The following ARL3 variants were observed in gnomAD, a reference collection of about 807,000 sequenced individuals.
ARL3 encodes ARF like GTPase 3.
ARL3 carries 9 observed loss-of-function variants against 26.0 expected under a neutral mutation model. The observed-to-expected ratio is 0.35, with a 90% CI of 0.21 to 0.60. The LOEUF (loss-of-function observed/expected upper bound fraction) is 0.60, where lower values mean the gene tolerates loss of function less well. Ranked by LOEUF, ARL3 falls within the 20% of genes least tolerant of loss-of-function variation. The pLI, the probability that ARL3 is intolerant of heterozygous loss-of-function variation, is 0.78. For missense variants in ARL3, 158 were observed against 215.7 expected, an observed-to-expected ratio of 0.73 and a Z score of 1.67; for synonymous variants, 71 against 78.4, an observed-to-expected ratio of 0.91 and a Z score of 0.50.
Position 102,714,264 on chromosome 10 carries a change from C to A in ARL3, c.3+9G>T, listed in dbSNP as rs770537187. 2.3e-6 allele frequency: 3 copies of A among 1,313,844 alleles called. No individual in the cohort carries two copies. The highest frequency in any genetic ancestry group is 2.1e-4 in the Middle Eastern group (1 of 4,828). 81.4% of individuals were successfully genotyped at this position (1,313,844 alleles called of 1,614,324 possible). A position where few individuals can be genotyped will look rare whatever the true frequency, so the allele number is the denominator to read the frequency against. ...CCGGCTCCAAGGGGGCCCAGGCCCC[C>A]ACACTCACCATCCTCCCGCCGAGTC... On this transcript the variant is annotated intron_variant, in intron 1 of 5. Transcript: ENST00000260746.
At chr10:102,692,470 C>T (rs1333881206) in intron 3 of ARL3, among the ~76,000 whole-genome samples, 4 of 152,132 alleles carry the variant, frequency 2.6e-5, no homozygotes, top group Non-Finnish European at 5.9e-5. Context: ...GGCTGGAGTG[C>T]AGTAGTGTGA....
chr10:102,689,774 G>A (rs1231301470), intron 4 of ARL3, 119 bp downstream of exon 4: 4 of 487,452 alleles, frequency 8.2e-6, no homozygotes, highest in Non-Finnish European at 1.1e-5. Context: ...GTTGGGGTGA[G>A]CCGAGATCAT....
intron 2 of ARL3, among the ~76,000 whole-genome samples, chr10:102,703,959 G>A (rs1272258543): frequency 6.6e-6 from 1 of 151,486 alleles, no homozygotes; most frequent in Non-Finnish European, 1.5e-5. Context: ...AGACCAGCCT[G>A]GGCAACAACG....
rs538781537 is a variant in ARL3, at chr10:102,688,343, T to C, written c.315+1550A>G. Reference sequence around the variant, plus strand: ...AGTGATAATCCAGAAATCATCAGGGTATGGAAGGGTGGTGGGTTGTTTCCA... The same window carrying C: ...AGTGATAATCCAGAAATCATCAGGGCATGGAAGGGTGGTGGGTTGTTTCCA... On this transcript the variant is annotated intron_variant, in intron 4 of 5. Transcript: ENST00000260746. Among the ~76,000 whole-genome samples, 7 of 152,016 alleles carry C rather than the reference T, an allele frequency of 4.6e-5. No homozygotes were observed. In the South Asian group the frequency reaches 1.2e-3, roughly 27 times the overall value.
chr10:102,698,748 G>A (rs4284339), intron 3 of ARL3, among the ~76,000 whole-genome samples: 152,055 of 152,326 alleles, frequency 1, 75,892 homozygotes, highest in East Asian at 1. Flanking sequence ...CGCTCCCTGA[G>A]TCAGGGTATT....
chr10:102,677,037 T>A, intron 5 of ARL3, 96 bp from the exon 6 acceptor site: 1 of 1,382,870 alleles, frequency 7.2e-7, no homozygotes, highest in South Asian at 1.2e-5. Context: ...TCCCAGGCCC[T>A]CCCTCCCAGA....
chr10:102,692,236 C>T (rs2064221877), intron 3 of ARL3, among the ~76,000 whole-genome samples: 2 of 152,176 alleles, frequency 1.3e-5, no homozygotes. Context: ...TCTGAGACCT[C>T]CTTATGGAGA....
At chr10:102,711,368 CTGTATATATATA>C (rs1185591352) in intron 1 of ARL3, among the ~76,000 whole-genome samples, 1 of 149,706 alleles carries the variant, frequency 6.7e-6, no homozygotes, top group African/African-American at 2.5e-5. Flanking sequence ...GTATATGTAT[CTGTATATATATA>C]TGTATATATA....
At chr10:102,698,894 C>T (rs1229847519) in intron 3 of ARL3, among the ~76,000 whole-genome samples, 1 of 152,186 alleles carries the variant, frequency 6.6e-6, no homozygotes, top group Non-Finnish European at 1.5e-5. Context: ...CTATTCAATC[C>T]CTCTGACTTA....
intron 2 of ARL3, among the ~76,000 whole-genome samples, chr10:102,699,823 T>C (rs898574652): frequency 1.3e-5 from 2 of 152,098 alleles, no homozygotes; most frequent in African/African-American, 4.8e-5. Flanking sequence ...ATCTTCAGGA[T>C]GGTAAAATTT....
intron 2 of ARL3, among the ~76,000 whole-genome samples, chr10:102,703,812 G>T (rs2064294050): frequency 6.6e-6 from 1 of 151,866 alleles, no homozygotes; most frequent in African/African-American, 2.4e-5. Context: ...TTGCTTGCTT[G>T]CCCTTTTCAG....
intron 5 of ARL3, among the ~76,000 whole-genome samples, chr10:102,679,974 CG>C (rs1356328576): frequency 6.6e-6 from 1 of 151,952 alleles, no homozygotes; most frequent in Non-Finnish European, 1.5e-5. Context: ...TTTTTTGAGA[CG>C]GAGTCTTGCT....
intron 1 of ARL3, among the ~76,000 whole-genome samples, chr10:102,705,890 A>G (rs1433928042): frequency 6.6e-6 from 1 of 152,172 alleles, no homozygotes; most frequent in Non-Finnish European, 1.5e-5. Flanking sequence ...TAAGGGCTAT[A>G]CTTGTCCCAT....
chr10:102,677,019 A>G (rs1423067680), intron 5 of ARL3, 78 bp from the exon 6 acceptor site: 1 of 1,520,094 alleles, frequency 6.6e-7, no homozygotes, highest in African/African-American at 1.4e-5. Context: ...AGGGGCGGGC[A>G]GTGGGGGTCC....
rs1023790411 is a variant in ARL3, at chr10:102,714,294, C to G, written c.-19G>C. The G allele has an allele frequency of 1.6e-6, 2 of 1,240,724 alleles. No homozygotes were observed. The highest frequency in any genetic ancestry group is 2.1e-6 in the Non-Finnish European group (2 of 960,470). The allele number at this position is 1,240,724 out of a possible 1,614,324, so 76.9% of individuals were successfully genotyped here. A position where few individuals can be genotyped will look rare whatever the true frequency, so the allele number is the denominator to read the frequency against. On this transcript the variant is annotated 5_prime_UTR_variant, in exon 1 of 6. Transcript: ENST00000260746. ...TCACCATCCTCCCGCCGAGTCCCTC[C>G]TCCTCCTCCTCCTCCTGCTGCCTCC...
At chr10:102,697,730 T>C (rs888426332) in intron 3 of ARL3, among the ~76,000 whole-genome samples, 3 of 150,980 alleles carry the variant, frequency 2.0e-5, no homozygotes, top group Admixed American at 6.6e-5. Flanking sequence ...GTTGGGAGAT[T>C]AAAAAAAAAT....
At chr10:102,689,829 C>CA (rs71019603) in intron 4 of ARL3, 64 bp downstream of exon 4, 71,726 of 798,982 alleles carry the variant, frequency 0.09, 1 homozygote, top group East Asian at 0.11. Flanking sequence ...AACTCCGTCT[C>CA]AAAAAAAAAA....
At chr10:102,693,470 T>C (rs1460544861) in intron 3 of ARL3, among the ~76,000 whole-genome samples, 39 of 152,200 alleles carry the variant, frequency 2.6e-4, no homozygotes, top group Admixed American at 2.4e-3. Context: ...ATTTTTTATA[T>C]GCTTATCTGT....
At chr10:102,714,247 A>T in intron 1 of ARL3, 26 bp downstream of exon 1, 1 of 1,313,252 alleles carries the variant, frequency 7.6e-7, no homozygotes, top group Non-Finnish European at 9.8e-7. Context: ...GGCCGGCTCC[A>T]AGGGGGCCCA....
Sources: gnomAD v4.1 joint callset for allele counts (sites outside exome capture counted in the v4.1 genomes callset) on GRCh38, gnomAD v4.1.1 for gene constraint, MANE v1.5 for transcripts, NCBI Gene and HGNC (gene_info 2026-07-23, HGNC 2026-07-21) for gene names.